EIF4E2: variants seen among roughly 807,000 people sequenced by gnomAD.
EIF4E2 encodes eukaryotic translation initiation factor 4E family member 2, also known as eukaryotic translation initiation factor 4E type 2.
Under a neutral mutation model 34.2 loss-of-function variants are expected in EIF4E2, and 13 were observed. The observed-to-expected ratio is 0.38, with a 90% CI of 0.25 to 0.60. EIF4E2 has a LOEUF of 0.60. Ranked by LOEUF, EIF4E2 falls within the 20% of genes least tolerant of loss-of-function variation. The pLI, the probability that EIF4E2 is intolerant of heterozygous loss-of-function variation, is 0.62. For missense variants in EIF4E2, 222 were observed against 315.1 expected (o/e 0.70, Z 2.24); for synonymous variants, 100 against 106.6 (o/e 0.94, Z 0.38).
chr2:232,572,610 G>A (rs1310809545), downstream of EIF4E2, among the ~76,000 whole-genome samples: 9 of 152,048 alleles, frequency 5.9e-5, no homozygotes, highest in Admixed American at 3.3e-4. Flanking sequence ...CAGGTGTTCC[G>A]CCTGCCTCAG....
At chr2:232,565,075 C>T (rs558732997) in intron 4 of EIF4E2, among the ~76,000 whole-genome samples, 197 of 152,348 alleles carry the variant, frequency 1.3e-3, no homozygotes, top group Middle Eastern at 3.4e-3. Flanking sequence ...CGGCTGCGCC[C>T]TGGTGTAGTG....
At chr2:232,567,898 G>C in intron 6 of EIF4E2, 1 of 985,480 alleles carries the variant, frequency 1.0e-6, no homozygotes, top group Non-Finnish European at 1.2e-6. Context: ...GGGAGTGGCT[G>C]TCAGATTGTC....
At position 232,567,093 on chromosome 2, in the gene EIF4E2, A is replaced by G; in HGVS notation, c.544A>G (p.Ile182Val). The G allele has an allele frequency of 6.2e-7, 1 of 1,613,936 alleles. No individual in the cohort carries two copies. Among genetic ancestry groups the G allele is most frequent in the Non-Finnish European group, 8.5e-7 (1 of 1,179,918 alleles). ...CCTCTGGTAGGAAGACATTATTTCA[A>G]TATGGAATAAGACTGCCAGTGACCA... Reference protein sequence around the residue: ...SVRFQEDIISIWNKTASDQAT... With the variant: ...SVRFQEDIISVWNKTASDQAT... The change falls in exon 6 of 7, where the codon ATA becomes GTA. Residue 182 changes from isoleucine (I) to valine (V), a missense_variant. Coordinates refer to ENST00000258416, the MANE Select transcript of EIF4E2 (RefSeq NM_004846.4).
chr2:232,556,057 A>G (rs1414961956), intron 1 of EIF4E2, among the ~76,000 whole-genome samples: 2 of 152,144 alleles, frequency 1.3e-5, no homozygotes, highest in Non-Finnish European at 2.9e-5. Flanking sequence ...TACGTTTTTA[A>G]CCTTCATTTG....
downstream of EIF4E2, chr2:232,574,135 A>G (rs993705749): frequency 3.2e-6 from 3 of 942,302 alleles, no homozygotes; most frequent in African/African-American, 1.6e-5. Context: ...CTCTGCTCCC[A>G]GGTACCTGTG....
At chr2:232,567,802 C>G in intron 6 of EIF4E2, 2 of 985,818 alleles carry the variant, frequency 2.0e-6, no homozygotes, top group African/African-American at 1.7e-5. Context: ...AAATAGAGCT[C>G]TCTGTCCACA....
Position 232,566,992 on chromosome 2 carries a change from C to T in EIF4E2, c.528+11C>T, listed in dbSNP as rs765660093. On this transcript the variant is annotated intron_variant, in intron 5 of 6. Transcript: ENST00000258416. This position sits in a 1 kb window ranked among gnomAD's most constrained non-coding sequence, Gnocchi z 4.9. ...TCTGTCCGCTTTCAGGTAAGCCACC[C>T]ATGAGCCAGGCTGGTTTCTTGTGTT... 12 of 1,589,498 alleles carry T rather than the reference C, an allele frequency of 7.5e-6. No homozygotes were observed. The East Asian group carries it at 2.0e-4, about 27-fold the overall frequency.
chr2:232,559,334 G>A lies in EIF4E2; in HGVS notation c.270+1316G>A, dbSNP rs868824207. On this transcript the variant is annotated intron_variant, in intron 3 of 6. Transcript: ENST00000258416. Reference sequence around the variant, plus strand: ...TACTCCTGATGTCTTAAACAAAAATGAATAATTGTTTATCTTTTCTCAAAG... The same window carrying A: ...TACTCCTGATGTCTTAAACAAAAATAAATAATTGTTTATCTTTTCTCAAAG... Among the ~76,000 whole-genome samples the A allele has an allele frequency of 1.5e-4, 23 of 151,224 alleles. No homozygotes were observed. In the South Asian group the frequency reaches 2.1e-3, roughly 14 times the overall value.
At chr2:232,556,570 G>A (rs1250048871) in intron 2 of EIF4E2, 40 bp downstream of exon 2, 2 of 1,357,352 alleles carry the variant, frequency 1.5e-6, no homozygotes, top group East Asian at 4.8e-5. Context: ...CTTTGAACTT[G>A]AGACTTTTAT....
At chr2:232,574,456 A>T in intron 6 of EIF4E2, 1 of 1,097,722 alleles carries the variant, frequency 9.1e-7, no homozygotes, top group Non-Finnish European at 1.3e-6. Context: ...AGAGAAAAAT[A>T]TAAGTCCCAA....
rs958911844 is a variant in EIF4E2, at chr2:232,558,128, A to G, written c.270+110A>G. ...ACCTATTTAAGATTCTGGTTTTCTT[A>G]ATTGACTGACCTGAGTCTCCGGAGT... On this transcript the variant is annotated intron_variant, in intron 3 of 6. Transcript: ENST00000258416. The G allele has an allele frequency of 7.0e-6, 10 of 1,438,390 alleles. No individual in the cohort carries two copies. The African/African-American group carries it at 7.1e-5, about 10-fold the overall frequency. 89.1% of individuals were successfully genotyped at this position (1,438,390 alleles called of 1,614,324 possible).
intron 2 of EIF4E2, 174 bp downstream of exon 2, chr2:232,556,704 A>G (rs531057792): frequency 5.2e-6 from 3 of 572,866 alleles, no homozygotes; most frequent in South Asian, 2.0e-5. Context: ...TCAGACCTAG[A>G]ACTTTTCTCT....
chr2:232,579,793 T>G (rs1693302839), intron 6 of EIF4E2, among the ~76,000 whole-genome samples: 1 of 151,976 alleles, frequency 6.6e-6, no homozygotes, highest in South Asian at 2.1e-4. Context: ...AGATACTAGG[T>G]CAGTTAAAGC....
Position 232,566,871 on chromosome 2 carries a change from C to T in EIF4E2, c.418C>T (p.Arg140Trp), listed in dbSNP as rs374014488. 7.4e-6 allele frequency: 12 copies of T among 1,613,876 alleles called. No individual in the cohort carries two copies. The highest frequency in any genetic ancestry group is 6.8e-6 in the Non-Finnish European group (8 of 1,179,992). ...TGGTGGCAAGTGGATTATTCGGCTG[C>T]GGAAGGGCTTGGCCTCCCGTTGCTG... ...KNGGKWIIRL[R>W]KGLASRCWEN... Residue 140 changes from arginine (R) to tryptophan (W), a missense_variant, in exon 5 of 7, where the codon CGG becomes TGG. By Grantham distance (101) the Arg-to-Trp change is moderately radical. Around this residue, in one of 3 missense-constraint regions of EIF4E2, gnomAD observed 105 missense variants for 195.1 expected, o/e 0.54. Transcript: ENST00000258416. The surrounding 1 kb of genome is among the most constrained non-coding windows in gnomAD (Gnocchi z 4.9).
intron 6 of EIF4E2, chr2:232,568,714 CAT>C (rs1160770738): frequency 9.1e-6 from 9 of 985,432 alleles, no homozygotes; most frequent in Non-Finnish European, 1.1e-5. Context: ...TTTACAGAAA[CAT>C]ATGTACACGT....
chr2:232,565,083 G>A (rs762723890), intron 4 of EIF4E2, among the ~76,000 whole-genome samples: 1 of 152,214 alleles, frequency 6.6e-6, no homozygotes, highest in African/African-American at 2.4e-5. Flanking sequence ...CCCTGGTGTA[G>A]TGCATCTTCT....
rs542084155 is a variant in EIF4E2, at chr2:232,581,189, TG to T, written c.*253del. ...AACATTGTTTTTTAATGGGGTTCCA[TG>T]GGGGGGCGTTCAGCCTTTCTGTTTG... On this transcript the variant is annotated 3_prime_UTR_variant, in exon 7 of 7. Coordinates refer to the EIF4E2 transcript ENST00000409098. The surrounding 1 kb of genome is among the most constrained non-coding windows in gnomAD (Gnocchi z 5.2). The T allele has an allele frequency of 1.3e-5, 8 of 619,994 alleles. No homozygotes were observed. The highest frequency in any genetic ancestry group is 9.0e-5 in the African/African-American group (5 of 55,442). 38.4% of individuals were successfully genotyped at this position (619,994 alleles called of 1,614,324 possible). A position where few individuals can be genotyped will look rare whatever the true frequency, so the allele number is the denominator to read the frequency against.
In EIF4E2 at chr2:232,574,295, G is replaced by C. The variant is rs750870984; in HGVS notation, c.666-6609G>C. On this transcript the variant is annotated intron_variant, in intron 6 of 6. Coordinates refer to the EIF4E2 transcript ENST00000409098. The stretch of plus-strand genomic sequence containing the variant: ...GAGGAGTTTCATGGCCTGGTGAACA[G>C]CAGCGGCCGCTGATCGGACGCTCCC... 13 of 1,550,578 alleles carry C rather than the reference G, an allele frequency of 8.4e-6. No homozygotes were observed. In the South Asian group the frequency reaches 1.4e-4, roughly 17 times the overall value.
At chr2:232,557,115 C>T (rs941510633) in intron 2 of EIF4E2, among the ~76,000 whole-genome samples, 6 of 152,096 alleles carry the variant, frequency 3.9e-5, no homozygotes, top group Non-Finnish European at 5.9e-5. Context: ...TGCTGTGGCG[C>T]GTGCCTGAAG....
Sources: gnomAD v4.1 joint callset for allele counts (sites outside exome capture counted in the v4.1 genomes callset) on GRCh38, gnomAD v4.1.1 for gene constraint, gnomAD v4.1.1 regional missense constraint, Gnocchi (gnomAD v3.1) non-coding constraint, MANE v1.5 for transcripts, NCBI Gene and HGNC (gene_info 2026-07-23, HGNC 2026-07-21) for gene names.